Variants in PHEX observed in about 807,000 individuals in gnomAD.
PHEX encodes phosphate-regulating neutral endopeptidase PHEX.
In PHEX, 16 loss-of-function variants were observed where a neutral mutation model predicts 68.0. That is an observed-to-expected ratio of 0.24 (90% CI 0.16 to 0.36). The LOEUF (loss-of-function observed/expected upper bound fraction) is 0.36. Among genes scored for constraint, PHEX ranks in the 10% least tolerant of loss-of-function variants. The probability of loss-of-function intolerance (pLI) is 1.00; values close to 1 mark genes in which losing one functional copy is unlikely to be tolerated. For synonymous variants in PHEX, 208 were observed against 205.1 expected, an observed-to-expected ratio of 1.01 and a Z score of -0.12; for missense variants, 480 against 575.5, an observed-to-expected ratio of 0.83 and a Z score of 1.70.
At chrX:22,038,633 TGAGGTTTACCAAGTAC>T in intron 2 of PHEX, 96 bp downstream of exon 2, 1 of 628,700 alleles carries the variant, frequency 1.6e-6, no homozygotes, top group Non-Finnish European at 2.7e-6. Context: ...TCTGTTTGCT[TGAGGTTTACCAAGTAC>T]GAAATGCAAT....
intron 13 of PHEX, among the ~76,000 whole-genome samples, chrX:22,168,600 G>A (rs1013875540): frequency 3.6e-5 from 4 of 111,945 alleles, no homozygotes; most frequent in African/African-American, 1.3e-4. Flanking sequence ...GAAACGATGC[G>A]TAGCTGAGTG....
intron 14 of PHEX, among the ~76,000 whole-genome samples, chrX:22,187,568 C>A (rs1005952544): frequency 1.8e-5 from 2 of 111,581 alleles, no homozygotes; most frequent in Admixed American, 9.6e-5. Flanking sequence ...AGCTTAATTA[C>A]ACCTGCAAAG....
Position 22,221,669 on chromosome X carries a change from G to C in PHEX, c.1825G>C (p.Glu609Gln), listed in dbSNP as rs1602405239. The change falls in exon 18 of 22, where the codon GAA (glutamate) becomes CAA (glutamine). Residue 609 changes from glutamate to glutamine, a missense_variant. By Grantham distance (29) the Glu-to-Gln change is conservative. Coordinates refer to ENST00000379374, the MANE Select transcript of PHEX (RefSeq NM_000444.6). ...LDPWWSTESEEKFKEKTKCMI... is the reference protein window; with the variant it reads ...LDPWWSTESEQKFKEKTKCMI... Reference sequence around the variant, plus strand: ...TCCTTGGTGGTCTACTGAATCAGAAGAAAAGTTTAAGGAAAAAACAAAATG... The same window carrying C: ...TCCTTGGTGGTCTACTGAATCAGAACAAAAGTTTAAGGAAAAAACAAAATG... 8.3e-7 allele frequency: 1 copy of C among 1,198,070 alleles called. No individual in the cohort carries two copies. The highest frequency in any genetic ancestry group is 2.2e-5 in the Admixed American group (1 of 45,792).
intron 15 of PHEX, among the ~76,000 whole-genome samples, chrX:22,201,479 C>T (rs755082174): frequency 1.8e-5 from 2 of 111,639 alleles, no homozygotes; most frequent in Non-Finnish European, 3.8e-5. Flanking sequence ...GCCACCATGC[C>T]CAGACCTGCT....
In PHEX at chrX:22,114,472, C is replaced by G. The variant is rs1177960104; in HGVS notation, c.1188C>G (p.Thr396=). 8.3e-7 allele frequency: 1 copy of G among 1,201,013 alleles called. No homozygotes were observed. Among genetic ancestry groups the G allele is most frequent in the African/African-American group, 1.8e-5 (1 of 56,869 alleles). ...WLEFSRVIQG[T]TTLLPQWDKC... ...ATCTCCCACAGGTAATCCAGGGGAC[C>G]ACAACTTTGCTGCCTCAATGGGACA... The change falls in exon 11 of 22, where the codon ACC becomes ACG. Residue 396 remains threonine (T), a synonymous_variant. Transcript: ENST00000379374.
At chrX:22,218,961 C>T (rs1935177918) in intron 16 of PHEX, 75 bp from the exon 17 acceptor site, 1 of 711,883 alleles carries the variant, frequency 1.4e-6, no homozygotes, top group African/African-American at 2.1e-5. Flanking sequence ...CTTGGCTTTC[C>T]ATTGAAAAAA....
intron 20 of PHEX, among the ~76,000 whole-genome samples, chrX:22,241,331 T>C (rs1424142550): frequency 1.8e-5 from 2 of 111,781 alleles, no homozygotes; most frequent in African/African-American, 6.5e-5. Flanking sequence ...GCAGGAAAGA[T>C]CTAAAATTGA....
At chrX:22,037,115 A>T (rs988920942) in intron 1 of PHEX, among the ~76,000 whole-genome samples, 1 of 109,251 alleles carries the variant, frequency 9.2e-6, no homozygotes, top group Non-Finnish European at 1.9e-5. Context: ...AAAAAAAAAA[A>T]ATAGGACTGA....
intron 20 of PHEX, among the ~76,000 whole-genome samples, chrX:22,235,598 T>C (rs2147198488): frequency 9.0e-6 from 1 of 111,400 alleles, no homozygotes; most frequent in Non-Finnish European, 1.9e-5. Flanking sequence ...ATCCCATTCC[T>C]GAGGGCTCCA....
intron 15 of PHEX, among the ~76,000 whole-genome samples, chrX:22,202,196 G>A (rs1291594365): frequency 8.9e-6 from 1 of 112,038 alleles, no homozygotes; most frequent in Non-Finnish European, 1.9e-5. Context: ...ATTGTAACAT[G>A]AATATTTTTT....
chrX:22,236,570 A>G (rs1350601096), intron 20 of PHEX, among the ~76,000 whole-genome samples: 1 of 113,151 alleles, frequency 8.8e-6, no homozygotes, highest in Non-Finnish European at 1.9e-5. Flanking sequence ...TTGGCAAACT[A>G]GGGCCAAATA....
intron 14 of PHEX, among the ~76,000 whole-genome samples, chrX:22,189,924 CT>C (rs1207266629): frequency 8.9e-6 from 1 of 112,436 alleles, no homozygotes; most frequent in African/African-American, 3.2e-5. Flanking sequence ...AGGCAGTACA[CT>C]TTCCACTGGA....
chrX:22,145,615 C>CA (rs568646535), intron 12 of PHEX, among the ~76,000 whole-genome samples: 2,983 of 64,444 alleles, frequency 0.046, 140 homozygotes, highest in East Asian at 0.31. Flanking sequence ...GACTCTGTCT[C>CA]AAAAAAAAAA....
chrX:22,214,792 C>T (rs371818592), intron 16 of PHEX, among the ~76,000 whole-genome samples: 15 of 111,477 alleles, frequency 1.3e-4, no homozygotes, highest in Non-Finnish European at 2.1e-4. Context: ...GGGCAGCCAT[C>T]GATAAAGCTT....
chrX:22,221,559 T>C (rs1468901784), intron 17 of PHEX, 54 bp from the exon 18 acceptor site: 12 of 1,074,746 alleles, frequency 1.1e-5, no homozygotes, highest in Non-Finnish European at 1.6e-5. Flanking sequence ...AAAGGAAAGA[T>C]GAATTTAGTT....
intron 11 of PHEX, among the ~76,000 whole-genome samples, chrX:22,132,311 T>G (rs779030360): frequency 3.6e-5 from 4 of 111,087 alleles, no homozygotes; most frequent in Non-Finnish European, 7.5e-5. Flanking sequence ...TCCTCTTGTG[T>G]TGCCCAGGCT....
chrX:22,055,036 A>C (rs1928013736), intron 3 of PHEX, among the ~76,000 whole-genome samples: 1 of 107,648 alleles, frequency 9.3e-6, no homozygotes, highest in South Asian at 4.2e-4. Context: ...TTAGCTGTGC[A>C]TGGTGGCGGG....
At position 22,099,148 on chromosome X, in the gene PHEX, A is replaced by G. The variant is rs1930305346; in HGVS notation, c.1076A>G (p.Lys359Arg). Reference protein sequence around the residue: ...DLFRILGSERKKTIANYLVWR... With the variant: ...DLFRILGSERRKTIANYLVWR... ...TTTAGGATATTAGGGTCTGAGAGAA[A>G]GAAGTAAGAACTTTCACATGAATTT... Residue 359 changes from lysine to arginine, a missense_variant, in exon 9 of 22, where the codon AAG becomes AGG. Coordinates refer to ENST00000379374, the MANE Select transcript of PHEX (RefSeq NM_000444.6). The G allele has an allele frequency of 8.3e-7, 1 of 1,206,062 alleles. No homozygotes were observed. Among genetic ancestry groups the G allele is most frequent in the Non-Finnish European group, 1.1e-6 (1 of 890,318 alleles).
At chrX:22,130,924 C>T (rs1482471693) in intron 11 of PHEX, among the ~76,000 whole-genome samples, 2 of 111,667 alleles carry the variant, frequency 1.8e-5, no homozygotes, top group Non-Finnish European at 3.8e-5. Context: ...TTAGAATTAC[C>T]TGGGGAACTT....
Sources: gnomAD v4.1 joint callset for allele counts (sites outside exome capture counted in the v4.1 genomes callset) on GRCh38, gnomAD v4.1.1 for gene constraint, MANE v1.5 for transcripts, NCBI Gene and HGNC (gene_info 2026-07-23, HGNC 2026-07-21) for gene names.